Variants in GALNT13 observed in about 807,000 individuals in gnomAD.
GALNT13 encodes polypeptide N-acetylgalactosaminyltransferase 13.
In GALNT13, 28 loss-of-function variants were observed where a neutral mutation model predicts 64.2. The observed-to-expected ratio is 0.44, with a 90% CI of 0.32 to 0.60. GALNT13 has a LOEUF of 0.60. Among genes scored for constraint, GALNT13 ranks in the 20% least tolerant of loss-of-function variants. GALNT13 has a pLI of 0.05. For synonymous variants in GALNT13, 214 were observed against 224.6 expected, an observed-to-expected ratio of 0.95 and a Z score of 0.42; for missense variants, 577 against 669.8, an observed-to-expected ratio of 0.86 and a Z score of 1.53.
the GALNT13 span, among the ~76,000 whole-genome samples, chr2:153,385,646 T>C: frequency 1.3e-5 from 2 of 151,896 alleles, no homozygotes. Context: ...GTGATTATAG[T>C]CAAAACAGAG....
chr2:153,586,201 A>G, the GALNT13 span, among the ~76,000 whole-genome samples: 2 of 152,202 alleles, frequency 1.3e-5, no homozygotes, highest in Non-Finnish European at 2.9e-5. Flanking sequence ...TCACACATCA[A>G]TATTCACCTT....
At chr2:154,168,439 CT>C (rs1355575174) in intron 4 of GALNT13, among the ~76,000 whole-genome samples, 1 of 152,060 alleles carries the variant, frequency 6.6e-6, no homozygotes, top group African/African-American at 2.4e-5. Context: ...CTAATTTCAT[CT>C]AAAAAATACC....
chr2:153,346,869 T>G, the GALNT13 span, among the ~76,000 whole-genome samples: 345 of 152,330 alleles, frequency 2.3e-3, 1 homozygote, highest in Non-Finnish European at 3.0e-3. Flanking sequence ...ATAATTCCCA[T>G]TTTCCAGATG....
chr2:153,189,168 C>T, the GALNT13 span, among the ~76,000 whole-genome samples: 1 of 152,156 alleles, frequency 6.6e-6, no homozygotes, highest in Non-Finnish European at 1.5e-5. Flanking sequence ...GTAGGCCAGG[C>T]TCATTCTCAC....
chr2:153,655,504 A>G, the GALNT13 span, among the ~76,000 whole-genome samples: 1 of 152,098 alleles, frequency 6.6e-6, no homozygotes, highest in Non-Finnish European at 1.5e-5. Flanking sequence ...TGTGATTACC[A>G]ATAAATCGAT....
chr2:153,436,526 G>C, the GALNT13 span, among the ~76,000 whole-genome samples: 1 of 152,144 alleles, frequency 6.6e-6, no homozygotes, highest in African/African-American at 2.4e-5. Flanking sequence ...TGTCTATTCA[G>C]AGATTCACCT....
intron 9 of GALNT13, among the ~76,000 whole-genome samples, chr2:154,367,708 T>C (rs1697449673): frequency 6.6e-6 from 1 of 152,190 alleles, no homozygotes. Context: ...GAAGCTATTC[T>C]TATAATGTAA....
At chr2:153,461,903 G>A in the GALNT13 span, among the ~76,000 whole-genome samples, 1 of 152,068 alleles carries the variant, frequency 6.6e-6, no homozygotes. Flanking sequence ...TGAGATGGAG[G>A]GGAAGAACTG....
the GALNT13 span, among the ~76,000 whole-genome samples, chr2:153,281,572 T>G: frequency 6.6e-6 from 1 of 152,214 alleles, no homozygotes; most frequent in Admixed American, 6.5e-5. Context: ...AGAATTCTTG[T>G]AAGGCTGGTC....
At chr2:153,167,344 T>G in the GALNT13 span, among the ~76,000 whole-genome samples, 16,485 of 152,304 alleles carry the variant, frequency 0.11, 1,091 homozygotes, top group Non-Finnish European at 0.15. Context: ...AGAGCCAGTT[T>G]GAGGTTAGGC....
chr2:153,104,023 T>C, the GALNT13 span, among the ~76,000 whole-genome samples: 57,641 of 151,960 alleles, frequency 0.38, 11,038 homozygotes, highest in Admixed American at 0.41. Context: ...GAGGGCAAGG[T>C]TAGTGTCACA....
At chr2:153,711,088 G>A in the GALNT13 span, among the ~76,000 whole-genome samples, 1 of 151,992 alleles carries the variant, frequency 6.6e-6, no homozygotes, top group African/African-American at 2.4e-5. Flanking sequence ...CAGGAACTTT[G>A]TTGTATAATT....
intron 6 of GALNT13, among the ~76,000 whole-genome samples, chr2:154,244,937 A>T (rs1470620246): frequency 6.6e-6 from 1 of 151,962 alleles, no homozygotes; most frequent in Non-Finnish European, 1.5e-5. Flanking sequence ...CCTAGCCAAC[A>T]TGGTGAAACT....
intron 3 of GALNT13, among the ~76,000 whole-genome samples, chr2:154,000,856 C>G (rs1017613128): frequency 2.0e-5 from 3 of 151,892 alleles, no homozygotes; most frequent in Non-Finnish European, 2.9e-5. Context: ...GATTTTCTAC[C>G]TGAATGATCT....
intron 9 of GALNT13, among the ~76,000 whole-genome samples, chr2:154,393,506 T>G (rs1485862123): frequency 6.6e-6 from 1 of 152,140 alleles, no homozygotes; most frequent in African/African-American, 2.4e-5. Context: ...TTAATATGTC[T>G]CACTTCTAAG....
At chr2:153,905,845 A>G (rs1558845312) in intron 2 of GALNT13, among the ~76,000 whole-genome samples, 1 of 152,006 alleles carries the variant, frequency 6.6e-6, no homozygotes, top group East Asian at 1.9e-4. Context: ...ATTAAGTAAT[A>G]TAACGGTGAC....
chr2:153,866,740 C>T, the GALNT13 span, among the ~76,000 whole-genome samples: 1 of 152,042 alleles, frequency 6.6e-6, no homozygotes, highest in Non-Finnish European at 1.5e-5. Flanking sequence ...TTCATAAAGT[C>T]AACATTTTAA....
chr2:154,080,232 A>C (rs1002292127), intron 3 of GALNT13, among the ~76,000 whole-genome samples: 35 of 151,654 alleles, frequency 2.3e-4, no homozygotes, highest in African/African-American at 8.0e-4. Flanking sequence ...TTCACTAGCC[A>C]TGAGCTGGAG....
chr2:154,451,316 CT>C lies in GALNT13; in HGVS notation c.*766del, dbSNP rs1290296210. On this transcript the variant is annotated 3_prime_UTR_variant, in exon 13 of 13. Coordinates refer to ENST00000392825, the MANE Select transcript of GALNT13 (RefSeq NM_052917.4). ...CACAGGCTGAAACTAAACAATCTTG[CT>C]CCTAGAGTTTATGTTGGATACTCAA... 1.3e-5 allele frequency: 2 copies of C among 152,184 alleles called. No homozygotes were observed. Among genetic ancestry groups the C allele is most frequent in the South Asian group, 4.1e-4 (2 of 4,830 alleles). The allele number at this position is 152,184 out of a possible 1,614,324, so 9.4% of individuals were successfully genotyped here.
Sources: gnomAD v4.1 joint callset for allele counts (sites outside exome capture counted in the v4.1 genomes callset) on GRCh38, gnomAD v4.1.1 for gene constraint, MANE v1.5 for transcripts, NCBI Gene and HGNC (gene_info 2026-07-23, HGNC 2026-07-21) for gene names.